SACS: variants seen among roughly 807,000 people sequenced by gnomAD.
SACS encodes sacsin.
Under a neutral mutation model 348.0 loss-of-function variants are expected in SACS, and 197 were observed. The ratio of observed to expected loss-of-function variants is 0.57; its 90% confidence interval spans 0.50 to 0.64. The LOEUF is 0.64. Among genes scored for constraint, SACS ranks in the 30% least tolerant of loss-of-function variants. The probability of loss-of-function intolerance (pLI) is 0.00; values close to 1 mark genes in which losing one functional copy is unlikely to be tolerated. For missense variants in SACS, 4,999 were observed against 5,360.8 expected (o/e 0.93, Z 2.11); for synonymous variants, 1,985 against 1,910.6 (o/e 1.04, Z -1.02).
Position 23,330,650 on chromosome 13 carries a change from T to C in SACS, c.13226A>G (p.Lys4409Arg), listed in dbSNP as rs770193667. ...TSWNQEATSH[K>R]SERQQQNKEK... ...TTTGTTCTGTTGCTGTCTTTCAGAT[T>C]TATGGCTCGTTGCTTCTTGATTCCA... Residue 4409 changes from lysine to arginine, a missense_variant, in exon 10 of 10, where the codon AAA (lysine) becomes AGA (arginine). Around this residue, in one of 6 missense-constraint regions of SACS, gnomAD observed 254 missense variants for 275.1 expected, o/e 0.92. Coordinates refer to ENST00000382292, the MANE Select transcript of SACS (RefSeq NM_014363.6). 3 of 1,614,066 alleles carry C rather than the reference T, an allele frequency of 1.9e-6. No homozygotes were observed. Among genetic ancestry groups the C allele is most frequent in the East Asian group, 4.5e-5 (2 of 44,876 alleles).
At chr13:23,383,922 C>T (rs1346421980) in intron 2 of SACS, among the ~76,000 whole-genome samples, 2 of 152,156 alleles carry the variant, frequency 1.3e-5, no homozygotes, top group East Asian at 1.9e-4. Flanking sequence ...TGGCACAGAA[C>T]CCAGCAAATG....
At chr13:23,391,705 C>A (rs1468150425) in intron 2 of SACS, among the ~76,000 whole-genome samples, 1 of 152,130 alleles carries the variant, frequency 6.6e-6, no homozygotes, top group Non-Finnish European at 1.5e-5. Flanking sequence ...GCACATAAAC[C>A]CATGATTGAT....
rs1226706134 is a variant in SACS at position 23,334,768 on chromosome 13, T to C, written c.9108A>G (p.Gln3036=). ...FFDNLLQDEL[Q]HLKNADYNIT... is the part of the protein sequence containing the mutation. ...TATTATAATCTGCATTTTTAAGGTG[T>C]TGTAATTCATCCTGTAGTAAATTGT... Residue 3036 remains glutamine, a synonymous_variant, in exon 10 of 10, where the codon CAA becomes CAG. Transcript: ENST00000382292. 3.2e-5 allele frequency: 52 copies of C among 1,613,706 alleles called. No homozygotes were observed. Among genetic ancestry groups the C allele is most frequent in the Non-Finnish European group, 4.2e-5 (49 of 1,179,802 alleles).
rs186293741 is a variant in SACS at position 23,342,615 on chromosome 13, A to T, written c.2186-925T>A. Among the ~76,000 whole-genome samples the T allele has an allele frequency of 3.9e-4, 60 of 152,266 alleles. No individual in the cohort carries two copies. In the East Asian group the frequency reaches 8.5e-3, roughly 22 times the overall value. ...AGTGTCATGTAGATACTTGTTTCAGATTTTGGAACATTTGGGGTTTCAGAT... is the reference window on the plus strand; with the variant it reads ...AGTGTCATGTAGATACTTGTTTCAGTTTTTGGAACATTTGGGGTTTCAGAT... On this transcript the variant is annotated intron_variant, in intron 9 of 9. Transcript: ENST00000382292.
chr13:23,336,935 T>C lies in SACS; in HGVS notation c.6941A>G (p.Asn2314Ser). Residue 2314 changes from asparagine (N) to serine (S), a missense_variant, in exon 10 of 10, where the codon AAT becomes AGT. Asn to Ser is a conservative substitution (Grantham distance 46). This residue lies in a region of SACS where 3,156 missense variants were observed against 3,380.1 expected (regional missense o/e 0.93). Coordinates refer to ENST00000382292, the MANE Select transcript of SACS (RefSeq NM_014363.6). ...VDDGITLYQE[N>S]ITNACYKYLH... is the part of the protein sequence containing the mutation. The stretch of plus-strand genomic sequence containing the variant: ...GTATTTGTAGCAAGCATTGGTGATA[T>C]TCTCCTGGTACAGTGTAATTCCATC... 1.2e-6 allele frequency: 2 copies of C among 1,613,950 alleles called. No homozygotes were observed.
intron 2 of SACS, among the ~76,000 whole-genome samples, chr13:23,392,789 A>G (rs1352079791): frequency 1.3e-5 from 2 of 152,180 alleles, no homozygotes; most frequent in Non-Finnish European, 2.9e-5. Flanking sequence ...ATGCAGAGGT[A>G]TCTAAGAAAA....
chr13:23,433,548 C>G (rs1266189337), intron 1 of SACS, 67 bp downstream of exon 1: 4 of 152,290 alleles, frequency 2.6e-5, no homozygotes, highest in Non-Finnish European at 5.9e-5. Context: ...CACCATGGAG[C>G]CTGCCCGTCC....
intron 1 of SACS, among the ~76,000 whole-genome samples, chr13:23,424,765 C>T (rs1593185149): frequency 6.6e-6 from 1 of 152,046 alleles, no homozygotes; most frequent in Non-Finnish European, 1.5e-5. Context: ...GTACTAATAA[C>T]GAAAACCAAG....
At chr13:23,427,644 A>C (rs1874241460) in intron 1 of SACS, 1 of 152,248 alleles carries the variant, frequency 6.6e-6, no homozygotes, top group Non-Finnish European at 1.5e-5. Flanking sequence ...TTGTATAAAT[A>C]ATGGGAGCTG....
At chr13:23,427,776 G>A (rs1375034846) in intron 1 of SACS, 1 of 152,254 alleles carries the variant, frequency 6.6e-6, no homozygotes, top group South Asian at 2.1e-4. Flanking sequence ...CGGAGAGAAG[G>A]GGGGATAAAG....
Position 23,329,528 on chromosome 13 carries a change from AAGTGCACTC to A in SACS, c.*599_*607del, listed in dbSNP as rs756975589. The A allele has an allele frequency of 4.9e-5, 34 of 700,560 alleles. No homozygotes were observed. The highest frequency in any genetic ancestry group is 7.5e-5 in the Non-Finnish European group (29 of 385,414). 43.4% of individuals were successfully genotyped at this position (700,560 alleles called of 1,614,324 possible). On this transcript the variant is annotated 3_prime_UTR_variant, in exon 10 of 10. Transcript: ENST00000382292. ...AAAAAAAAATTTAAATAAAGATGTA[AAGTGCACTC>A]AGTGCACTCTAAAAAGTACTACCTT...
chr13:23,424,456 C>T (rs1284066570), intron 1 of SACS, among the ~76,000 whole-genome samples: 23 of 150,514 alleles, frequency 1.5e-4, no homozygotes, highest in Non-Finnish European at 2.9e-4. Flanking sequence ...ACCCGGGAGG[C>T]GGAGGTTGCA....
At chr13:23,353,684 G>A (rs918966873) in intron 9 of SACS, 101 bp downstream of exon 9, 5 of 683,406 alleles carry the variant, frequency 7.3e-6, no homozygotes, top group Non-Finnish European at 1.0e-5. Context: ...TGAGCCATAA[G>A]AAATTGTTGA....
At chr13:23,425,608 G>A (rs184629922) in intron 1 of SACS, among the ~76,000 whole-genome samples, 394 of 152,056 alleles carry the variant, frequency 2.6e-3, no homozygotes, top group Non-Finnish European at 4.4e-3. Context: ...TGGGGAGAGC[G>A]GGCAGGGAGT....
At chr13:23,368,141 C>T (rs1051840003) in intron 5 of SACS, among the ~76,000 whole-genome samples, 1 of 152,124 alleles carries the variant, frequency 6.6e-6, no homozygotes, top group African/African-American at 2.4e-5. Context: ...CTACAGAGAA[C>T]ATTCCCGGAG....
intron 2 of SACS, among the ~76,000 whole-genome samples, chr13:23,409,065 TTTTTTGA>T (rs1379380253): frequency 2.1e-5 from 1 of 47,378 alleles, no homozygotes; most frequent in Non-Finnish European, 4.1e-5. Flanking sequence ...TTTTTTTTTT[TTTTTTGA>T]GACGGAGTCT....
At chr13:23,396,591 T>C (rs912801447) in intron 2 of SACS, among the ~76,000 whole-genome samples, 1 of 152,170 alleles carries the variant, frequency 6.6e-6, no homozygotes, top group African/African-American at 2.4e-5. Context: ...AGAACAAATG[T>C]GTAAGTAAAG....
chr13:23,333,907 A>G lies in SACS; in HGVS notation c.9969T>C (p.Ala3323=). The G allele has an allele frequency of 6.2e-7, 1 of 1,613,862 alleles. No homozygotes were observed. The highest frequency in any genetic ancestry group is 8.5e-7 in the Non-Finnish European group (1 of 1,179,838). The part of the protein sequence containing the change: ...PNAQSDKVFH[A]LMKAGCIQLA... ...GCTGAATACAGCCAGCTTTCATTAG[A>G]GCATGAAAAACTTTATCACTCTGGG... The change falls in exon 10 of 10, where the codon GCT becomes GCC. Residue 3323 remains alanine (A), a synonymous_variant. Coordinates refer to ENST00000382292, the MANE Select transcript of SACS (RefSeq NM_014363.6).
Position 23,331,931 on chromosome 13 carries a change from A to G in SACS, c.11945T>C (p.Leu3982Ser). 6.2e-7 allele frequency: 1 copy of G among 1,614,036 alleles called. No homozygotes were observed. Among genetic ancestry groups the G allele is most frequent in the South Asian group, 1.1e-5 (1 of 91,078 alleles). The change falls in exon 10 of 10, where the codon TTA (leucine) becomes TCA (serine). Residue 3982 changes from leucine (L) to serine (S), a missense_variant. By Grantham distance (145) the Leu-to-Ser change is moderately radical. This residue lies in a region of SACS where 831 missense variants were observed against 941.8 expected (regional missense o/e 0.88). Transcript: ENST00000382292. ...ACAAACTTTGGGAGTCTCTTCATCT[A>G]ATTGTTCTTCAAGTATACTGCTCAA... ...RLLSSILEEQ[L>S]DEETPKVCQF... is the part of the protein sequence containing the mutation.
Sources: gnomAD v4.1 joint callset for allele counts (sites outside exome capture counted in the v4.1 genomes callset) on GRCh38, gnomAD v4.1.1 for gene constraint, gnomAD v4.1.1 regional missense constraint, MANE v1.5 for transcripts, NCBI Gene and HGNC (gene_info 2026-07-23, HGNC 2026-07-21) for gene names.